The following NELL1 variants were observed in gnomAD, a reference collection of about 807,000 sequenced individuals.
NELL1 encodes the protein neural EGFL like 1.
Under a neutral mutation model 107.4 loss-of-function variants are expected in NELL1, and 76 were observed. The observed-to-expected ratio is 0.71, with a 90% CI of 0.59 to 0.86. NELL1 has a LOEUF of 0.86. Among genes scored for constraint, NELL1 ranks in the 40% least tolerant of loss-of-function variants. The probability of loss-of-function intolerance (pLI) is 0.00; values close to 1 mark genes in which losing one functional copy is unlikely to be tolerated. For missense variants in NELL1, 1,024 were observed against 1,005.5 expected, an observed-to-expected ratio of 1.02 and a Z score of -0.25; for synonymous variants, 353 against 341.2, an observed-to-expected ratio of 1.03 and a Z score of -0.38.
At chr11:20,975,373 A>G (rs892008021) in intron 12 of NELL1, among the ~76,000 whole-genome samples, 2 of 151,686 alleles carry the variant, frequency 1.3e-5, no homozygotes, top group Non-Finnish European at 2.9e-5. Context: ...ATTCTTCTCC[A>G]GTCCAGTGGT....
chr11:20,934,464 G>C (rs148325797), intron 9 of NELL1, among the ~76,000 whole-genome samples: 172 of 152,308 alleles, frequency 1.1e-3, no homozygotes, highest in African/African-American at 4.0e-3. Flanking sequence ...TCCATGTGTG[G>C]TGTGAATGTA....
intron 7 of NELL1, among the ~76,000 whole-genome samples, chr11:20,924,257 G>C (rs1340114650): frequency 2.0e-5 from 3 of 152,198 alleles, no homozygotes; most frequent in Non-Finnish European, 4.4e-5. Context: ...TTTAGCAGGA[G>C]TAAAAGGGAA....
intron 13 of NELL1, among the ~76,000 whole-genome samples, chr11:21,182,999 TCTC>T (rs1197244749): frequency 6.6e-6 from 1 of 151,796 alleles, no homozygotes. Context: ...GCTTTGCAGT[TCTC>T]CTCTTTCACC....
chr11:21,327,163 T>TG (rs1565169820), intron 14 of NELL1, among the ~76,000 whole-genome samples: 1 of 43,668 alleles, frequency 2.3e-5, no homozygotes, highest in East Asian at 6.4e-4. Flanking sequence ...AGATCTGATG[T>TG]TTTTTTTTTT....
chr11:21,074,890 G>A (rs546665132), intron 12 of NELL1, among the ~76,000 whole-genome samples: 7 of 152,248 alleles, frequency 4.6e-5, no homozygotes, highest in South Asian at 2.1e-4. Context: ...AAGTCTGTAC[G>A]GATGTGTGAG....
intron 3 of NELL1, among the ~76,000 whole-genome samples, chr11:20,808,960 T>C (rs1857442491): frequency 6.6e-6 from 1 of 152,222 alleles, no homozygotes; most frequent in Non-Finnish European, 1.5e-5. Context: ...GGTACTGTGA[T>C]TGGTCACCTG....
intron 13 of NELL1, among the ~76,000 whole-genome samples, chr11:21,156,870 A>G (rs1396322686): frequency 3.3e-5 from 5 of 151,742 alleles, no homozygotes; most frequent in Non-Finnish European, 5.9e-5. Context: ...AGGCAAGTGG[A>G]TCACTTGAGG....
At chr11:20,754,188 C>A (rs774282413) in intron 2 of NELL1, among the ~76,000 whole-genome samples, 1 of 152,144 alleles carries the variant, frequency 6.6e-6, no homozygotes. Context: ...AAAATAAATT[C>A]AAGTACCTCC....
chr11:20,769,098 G>A (rs1856591898), intron 2 of NELL1: 1 of 152,512 alleles, frequency 6.6e-6, no homozygotes, highest in Admixed American at 6.5e-5. Context: ...GAAATGAGGA[G>A]AGGGGACAGG....
At chr11:20,707,680 T>A (rs527341200) in intron 2 of NELL1, among the ~76,000 whole-genome samples, 65 of 152,352 alleles carry the variant, frequency 4.3e-4, no homozygotes, top group African/African-American at 1.5e-3. Flanking sequence ...GGCTGCAGAA[T>A]AGCAAGTATT....
intron 14 of NELL1, among the ~76,000 whole-genome samples, chr11:21,344,550 TG>T (rs1375310480): frequency 2.6e-5 from 4 of 152,158 alleles, no homozygotes; most frequent in African/African-American, 9.6e-5. Context: ...AGCAGTATCC[TG>T]TATGTGCATA....
chr11:20,710,098 T>G (rs1855074258), intron 2 of NELL1, among the ~76,000 whole-genome samples: 1 of 152,194 alleles, frequency 6.6e-6, no homozygotes, highest in African/African-American at 2.4e-5. Flanking sequence ...TGCATAGAAG[T>G]GGTGAAAGTG....
At chr11:20,681,417 T>C (rs1000827085) in intron 2 of NELL1, among the ~76,000 whole-genome samples, 3 of 152,134 alleles carry the variant, frequency 2.0e-5, no homozygotes, top group Admixed American at 6.6e-5. Flanking sequence ...CTTTGGGTAT[T>C]CATTCAATAA....
chr11:21,354,455 T>A (rs1850885257), intron 14 of NELL1, among the ~76,000 whole-genome samples: 1 of 152,174 alleles, frequency 6.6e-6, no homozygotes, highest in Non-Finnish European at 1.5e-5. Context: ...GCACCTGATG[T>A]TCTGCTGAAT....
intron 14 of NELL1, among the ~76,000 whole-genome samples, chr11:21,267,248 A>T (rs1360227764): frequency 2.0e-5 from 3 of 152,110 alleles, no homozygotes; most frequent in Non-Finnish European, 4.4e-5. Flanking sequence ...CAATAATGTT[A>T]CTTATAATAA....
At chr11:21,458,404 A>T (rs550927071) in intron 15 of NELL1, among the ~76,000 whole-genome samples, 1 of 152,296 alleles carries the variant, frequency 6.6e-6, no homozygotes, top group South Asian at 2.1e-4. Context: ...GTAGATAAAG[A>T]TTTATGTACA....
intron 2 of NELL1, among the ~76,000 whole-genome samples, chr11:20,700,519 A>T (rs541234874): frequency 4.0e-5 from 6 of 151,642 alleles, no homozygotes; most frequent in Non-Finnish European, 8.8e-5. Flanking sequence ...TTTCAATAAA[A>T]TTTTTTTTAT....
intron 15 of NELL1, among the ~76,000 whole-genome samples, chr11:21,524,896 G>A (rs953508226): frequency 6.6e-6 from 1 of 152,178 alleles, no homozygotes; most frequent in Non-Finnish European, 1.5e-5. Context: ...TGAGGAAGGA[G>A]TGCTGGGGAG....
chr11:20,866,779 A>T (rs1849102820), intron 4 of NELL1, among the ~76,000 whole-genome samples: 2 of 152,154 alleles, frequency 1.3e-5, no homozygotes, highest in South Asian at 4.1e-4. Context: ...ATTGTGTAAA[A>T]TTATCTTGAT....
Sources: allele counts gnomAD v4.1 joint callset (sites outside exome capture counted in the v4.1 genomes callset), GRCh38; gene constraint gnomAD v4.1.1; transcripts MANE v1.5; gene names NCBI Gene and HGNC (gene_info 2026-07-23, HGNC 2026-07-21).